Variants in ANK2 observed in about 807,000 individuals in gnomAD.
ANK2 encodes the protein ankyrin 2.
In ANK2, 83 loss-of-function variants were observed where a neutral mutation model predicts 360.5. The ratio of observed to expected loss-of-function variants is 0.23; its 90% CI spans 0.19 to 0.28. The LOEUF is 0.28. ANK2 is among the 10% of genes least tolerant of loss of function. The pLI, the probability that ANK2 is intolerant of heterozygous loss-of-function variation, is 1.00. For synonymous variants in ANK2, 1,740 were observed against 1,759.5 expected (o/e 0.99, Z 0.28); for missense variants, 4,201 against 4,795.7 (o/e 0.88, Z 3.66).
chr4:113,290,162 G>GTTTTTT (rs201484217), intron 20 of ANK2, among the ~76,000 whole-genome samples: 2 of 144,448 alleles, frequency 1.4e-5, no homozygotes, highest in Non-Finnish European at 1.5e-5. Context: ...TATCATTTCA[G>GTTTTTT]TTTTTTTTGT....
intron 8 of ANK2, 152 bp downstream of exon 8, chr4:113,240,735 T>C (rs1446323978): frequency 1.4e-6 from 1 of 711,062 alleles, no homozygotes; most frequent in South Asian, 1.7e-5. Flanking sequence ...TTCCTTTCTT[T>C]AAATCACAAG....
intron 1 of ANK2, among the ~76,000 whole-genome samples, chr4:112,851,247 C>G (rs551204489): frequency 1.3e-5 from 2 of 152,306 alleles, no homozygotes; most frequent in East Asian, 3.9e-4. Flanking sequence ...GAATGCACCC[C>G]TTGTTAATAA....
At chr4:112,879,992 C>G (rs147570027) in intron 1 of ANK2, among the ~76,000 whole-genome samples, 217 of 152,132 alleles carry the variant, frequency 1.4e-3, no homozygotes, top group African/African-American at 4.9e-3. Context: ...CATAAAGCAG[C>G]TCTTCAGCAA....
chr4:113,303,932 AC>A (rs904144034), intron 23 of ANK2, among the ~76,000 whole-genome samples: 1 of 152,212 alleles, frequency 6.6e-6, no homozygotes, highest in Non-Finnish European at 1.5e-5. Flanking sequence ...ATAAGATAAA[AC>A]TTTACATTGA....
At chr4:113,259,781 T>C (rs72675207) in intron 13 of ANK2, among the ~76,000 whole-genome samples, 3,269 of 144,908 alleles carry the variant, frequency 0.023, 49 homozygotes, top group Non-Finnish European at 0.031. Context: ...ATCCCCCCCC[T>C]TTTTTTTTTG....
intron 39 of ANK2, among the ~76,000 whole-genome samples, chr4:113,361,622 A>T (rs2096233586): frequency 6.7e-6 from 1 of 149,796 alleles, no homozygotes; most frequent in Non-Finnish European, 1.5e-5. Flanking sequence ...CATTTCTTAG[A>T]TTTGGTGATG....
Position 112,950,821 on chromosome 4 carries a change from G to A in ANK2, c.21+46307G>A, listed in dbSNP as rs543115648. On this transcript the variant is annotated intron_variant, in intron 2 of 30. Transcript: ENST00000503271. ...GCCTCGGCCGGGCGCGGTGGCTCACGCCTGTAATCCCAGCACTTTGGGAGG... is the reference window on the plus strand; with the variant it reads ...GCCTCGGCCGGGCGCGGTGGCTCACACCTGTAATCCCAGCACTTTGGGAGG... Among the ~76,000 whole-genome samples the A allele has an allele frequency of 6.0e-5, 9 of 150,692 alleles. No homozygotes were observed. In the East Asian group the frequency reaches 1.8e-3, roughly 30 times the overall value.
intron 2 of ANK2, among the ~76,000 whole-genome samples, chr4:112,987,811 A>C (rs2045455838): frequency 6.6e-6 from 1 of 152,152 alleles, no homozygotes; most frequent in African/African-American, 2.4e-5. Flanking sequence ...ATGTTATAGA[A>C]ACAACTATAA....
At chr4:112,764,431 G>T in the ANK2 span, among the ~76,000 whole-genome samples, 1 of 151,854 alleles carries the variant, frequency 6.6e-6, no homozygotes, top group South Asian at 2.1e-4. Flanking sequence ...TGCCTCCTGG[G>T]TTCAAATGAT....
At chr4:112,975,703 CT>C (rs1162130257) in intron 2 of ANK2, among the ~76,000 whole-genome samples, 1 of 152,094 alleles carries the variant, frequency 6.6e-6, no homozygotes, top group Non-Finnish European at 1.5e-5. Context: ...CCATTCCTTT[CT>C]TTTTTTGCCC....
At chr4:112,769,852 G>A in the ANK2 span, among the ~76,000 whole-genome samples, 1 of 152,106 alleles carries the variant, frequency 6.6e-6, no homozygotes. Flanking sequence ...ATTGAGCCGG[G>A]ACATCAGTTG....
chr4:112,749,041 A>G, the ANK2 span, among the ~76,000 whole-genome samples: 2 of 152,182 alleles, frequency 1.3e-5, no homozygotes, highest in Non-Finnish European at 2.9e-5. Flanking sequence ...CTGGGATTAC[A>G]GGCGTGTGCC....
the ANK2 span, among the ~76,000 whole-genome samples, chr4:112,779,711 G>A: frequency 2.0e-3 from 305 of 152,176 alleles, 2 homozygotes; most frequent in South Asian, 0.013. Context: ...TTTTATGGAC[G>A]CATTCACACA....
At chr4:112,816,186 G>A (rs933100768), upstream of ANK2, among the ~76,000 whole-genome samples, 1 of 152,212 alleles carries the variant, frequency 6.6e-6, no homozygotes, top group African/African-American at 2.4e-5. Context: ...GGCACTTGGT[G>A]TCTGCAGAAA....
intron 2 of ANK2, among the ~76,000 whole-genome samples, chr4:112,940,692 C>A (rs1454659054): frequency 6.6e-6 from 1 of 152,068 alleles, no homozygotes; most frequent in African/African-American, 2.4e-5. Context: ...AATGCTAGCT[C>A]AGTATTTACA....
chr4:112,882,976 C>T (rs2077138485), intron 1 of ANK2, among the ~76,000 whole-genome samples: 1 of 137,670 alleles, frequency 7.3e-6, no homozygotes, highest in African/African-American at 2.7e-5. Context: ...CTGCAATGTG[C>T]TCCGTGTGGC....
chr4:112,930,448 CAAAA>C (rs11427035), intron 2 of ANK2, among the ~76,000 whole-genome samples: 2 of 122,350 alleles, frequency 1.6e-5, no homozygotes, highest in Non-Finnish European at 3.5e-5. Flanking sequence ...GACCCTGTCT[CAAAA>C]AAAAAAAAAA....
intron 4 of ANK2, among the ~76,000 whole-genome samples, chr4:113,210,324 TTGAAGAAAATAAGA>T (rs1185524769): frequency 1.3e-5 from 2 of 152,144 alleles, no homozygotes; most frequent in African/African-American, 4.8e-5. Flanking sequence ...AATTTTCACA[TTGAAGAAAATAAGA>T]TGAAGAAAAT....
At chr4:113,134,394 G>A (rs1473228652) in intron 1 of ANK2, among the ~76,000 whole-genome samples, 2 of 143,128 alleles carry the variant, frequency 1.4e-5, no homozygotes, top group Non-Finnish European at 3.0e-5. Context: ...CAACAAATAC[G>A]AAAAGTTGGG....
Sources: gnomAD v4.1 joint callset for allele counts (sites outside exome capture counted in the v4.1 genomes callset) on GRCh38, gnomAD v4.1.1 for gene constraint, MANE v1.5 for transcripts, NCBI Gene and HGNC (gene_info 2026-07-23, HGNC 2026-07-21) for gene names.